PTK2: variants seen among roughly 807,000 people sequenced by gnomAD.
PTK2 encodes focal adhesion kinase 1.
A neutral mutation model predicts 150.1 loss-of-function variants in PTK2; 45 were observed. The ratio of observed to expected loss-of-function variants is 0.30; its 90% CI spans 0.24 to 0.38. The LOEUF is 0.38. PTK2 is among the 10% of genes least tolerant of loss of function. The pLI, the probability that PTK2 is intolerant of heterozygous loss-of-function variation, is 1.00. For missense variants in PTK2, 919 were observed against 1,307.3 expected (o/e 0.70, Z 4.58); for synonymous variants, 432 against 449.2 (o/e 0.96, Z 0.48).
At chr8:140,703,977 T>TA (rs1658211181) in intron 24 of PTK2, among the ~76,000 whole-genome samples, 1 of 152,184 alleles carries the variant, frequency 6.6e-6, no homozygotes, top group South Asian at 2.1e-4. Flanking sequence ...CTCTAGGCAT[T>TA]AATTTATACC....
chr8:140,982,078 A>AC (rs2100191657), intron 1 of PTK2, among the ~76,000 whole-genome samples: 1 of 138,702 alleles, frequency 7.2e-6, no homozygotes, highest in Admixed American at 7.3e-5. Context: ...AAAAAAAAAA[A>AC]AAAAATGACT....
rs1397909665 is a variant in PTK2, at chr8:140,698,672, C to T, written c.2499+2219G>A. 7.2e-5 allele frequency among the ~76,000 whole-genome samples: 11 copies of T among 151,954 alleles called. No homozygotes were observed. The South Asian group carries it at 1.9e-3, about 26-fold the overall frequency. On this transcript the variant is annotated intron_variant, in intron 26 of 31. Coordinates refer to ENST00000522684, the Ensembl canonical transcript of PTK2. ...ACTCTGTCACCCAGGCTGGAGTACA[C>T]TGCGCCATCTTGGCTCACTGCAACC...
At chr8:140,896,795 G>GGGGGGT (rs1287640053) in intron 2 of PTK2, among the ~76,000 whole-genome samples, 1 of 126,450 alleles carries the variant, frequency 7.9e-6, no homozygotes, top group Non-Finnish European at 1.9e-5. Context: ...AAACGGGGGG[G>GGGGGGT]GGGGGTGGGT....
rs117500909 is a variant in PTK2 at position 140,782,134 on chromosome 8, A to G, written c.1177+7340T>C. Among the ~76,000 whole-genome samples the G allele has an allele frequency of 3.2e-3, 486 of 152,300 alleles. 1 individual carries two copies. The highest frequency in any genetic ancestry group is 5.4e-3 in the Non-Finnish European group (367 of 68,026). Reference sequence around the variant, plus strand: ...TACTAGGAACAGATCAATAACATTCAATACCTACTACTTTGTGCACATAAA... The same window carrying G: ...TACTAGGAACAGATCAATAACATTCGATACCTACTACTTTGTGCACATAAA... On this transcript the variant is annotated intron_variant, in intron 14 of 31. Coordinates refer to ENST00000522684, the Ensembl canonical transcript of PTK2.
At chr8:140,982,812 C>T (rs1487886990) in intron 1 of PTK2, among the ~76,000 whole-genome samples, 2 of 152,072 alleles carry the variant, frequency 1.3e-5, no homozygotes, top group Non-Finnish European at 2.9e-5. Flanking sequence ...TGAACCAGTA[C>T]CTTTAAAGAG....
chr8:140,843,694 T>C (rs935479661), intron 7 of PTK2, among the ~76,000 whole-genome samples: 1 of 151,940 alleles, frequency 6.6e-6, no homozygotes, highest in Non-Finnish European at 1.5e-5. Context: ...TCCCATCAGG[T>C]TTTTTTTAGA....
chr8:140,676,647 G>A (rs1345575116), intron 27 of PTK2, among the ~76,000 whole-genome samples: 2 of 149,694 alleles, frequency 1.3e-5, no homozygotes, highest in Admixed American at 6.7e-5. Context: ...ACTTAATGGC[G>A]CCAGGTGCAG....
chr8:140,707,924 C>A (rs1260008356), intron 23 of PTK2, among the ~76,000 whole-genome samples: 1 of 152,196 alleles, frequency 6.6e-6, no homozygotes, highest in Non-Finnish European at 1.5e-5. Context: ...ACGAAACTGA[C>A]TGGCTTCTAG....
intron 4 of PTK2, among the ~76,000 whole-genome samples, chr8:140,865,909 C>G (rs1443837133): frequency 6.6e-6 from 1 of 152,154 alleles, no homozygotes; most frequent in African/African-American, 2.4e-5. Context: ...CTCAGCCTCT[C>G]AAGTAGCTGG....
At chr8:140,744,789 G>C (rs79761757) in intron 18 of PTK2, 22 bp from the exon 22 acceptor site, 361 of 658,034 alleles carry the variant, frequency 5.5e-4, no homozygotes, top group Non-Finnish European at 7.3e-4. Flanking sequence ...ATGACCAAAA[G>C]AAAAAAAAAA....
rs574643819 is a variant in PTK2 at position 140,772,807 on chromosome 8, T to C, written c.1178-8517A>G. On this transcript the variant is annotated intron_variant, in intron 14 of 31. Coordinates refer to ENST00000522684, the Ensembl canonical transcript of PTK2. ...AGGAAAGAACATATGAGACATCACG[T>C]TACTATTCTTACAACTATTCTCCAA... 7.6e-4 allele frequency among the ~76,000 whole-genome samples: 116 copies of C among 152,308 alleles called. 1 individual carries two copies. The highest frequency in any genetic ancestry group is 1.3e-3 in the Non-Finnish European group (86 of 68,024).
intron 29 of PTK2, chr8:140,668,802 G>C (rs192887125): frequency 3.3e-4 from 58 of 175,288 alleles, no homozygotes; most frequent in Admixed American, 3.1e-3. Context: ...TTTGGCTAAA[G>C]AGTCAAACAT....
chr8:140,752,274 A>C (rs1227047503), exon 17 of PTK2: 2 of 1,614,170 alleles, frequency 1.2e-6, no homozygotes, highest in Non-Finnish European at 1.7e-6. Flanking sequence ...TCCGAAGTAC[A>C]GTTTTTACAT....
At chr8:140,832,698 C>CAGGG (rs1166596019) in intron 7 of PTK2, among the ~76,000 whole-genome samples, 1 of 151,966 alleles carries the variant, frequency 6.6e-6, no homozygotes, top group East Asian at 1.9e-4. Flanking sequence ...AAAGAGGCAA[C>CAGGG]AGGGATGAGT....
intron 2 of PTK2, among the ~76,000 whole-genome samples, chr8:140,903,027 T>A (rs994324489): frequency 5.3e-5 from 8 of 150,548 alleles, no homozygotes; most frequent in African/African-American, 1.9e-4. Flanking sequence ...CCATTGCTTC[T>A]GTTGTTTTAG....
intron 14 of PTK2, among the ~76,000 whole-genome samples, chr8:140,774,327 C>A (rs756028009): frequency 6.6e-6 from 1 of 152,334 alleles, no homozygotes; most frequent in South Asian, 2.1e-4. Flanking sequence ...ATGGTTATAA[C>A]TGCAGAGGGC....
At chr8:140,944,026 TA>T (rs1273786627) in intron 1 of PTK2, among the ~76,000 whole-genome samples, 1 of 152,138 alleles carries the variant, frequency 6.6e-6, no homozygotes, top group Non-Finnish European at 1.5e-5. Context: ...GAGTACTGGG[TA>T]AAAATCTAAA....
At chr8:140,682,296 C>T (rs906923578) in intron 27 of PTK2, among the ~76,000 whole-genome samples, 6 of 152,122 alleles carry the variant, frequency 3.9e-5, no homozygotes, top group South Asian at 2.1e-4. Context: ...GCACAAGAAT[C>T]GCTTGAAACT....
At chr8:140,903,981 C>T (rs2100159840) in intron 2 of PTK2, among the ~76,000 whole-genome samples, 1 of 151,878 alleles carries the variant, frequency 6.6e-6, no homozygotes, top group East Asian at 1.9e-4. Flanking sequence ...ATTTGAATAT[C>T]CTTTCTTTCT....
Sources: allele counts gnomAD v4.1 joint callset (sites outside exome capture counted in the v4.1 genomes callset), GRCh38; gene constraint gnomAD v4.1.1; transcripts MANE v1.5; gene names NCBI Gene and HGNC (gene_info 2026-07-23, HGNC 2026-07-21).